The following PCDHA9 variants were observed in gnomAD, a reference collection of about 807,000 sequenced individuals.
The protein encoded by PCDHA9 is protocadherin alpha 9.
A neutral mutation model predicts 62.0 loss-of-function variants in PCDHA9; 62 were observed. The observed-to-expected ratio is 1.00, with a 90% CI of 0.81 to 1.23. The LOEUF (loss-of-function observed/expected upper bound fraction) is 1.23, where lower values mean the gene tolerates loss of function less well. Among genes scored for constraint, PCDHA9 ranks in the 50% most tolerant of loss-of-function variants. The pLI is 0.00. For synonymous variants in PCDHA9, 557 were observed against 567.6 expected, an observed-to-expected ratio of 0.98 and a Z score of 0.27; for missense variants, 1,205 against 1,249.8, an observed-to-expected ratio of 0.96 and a Z score of 0.54.
intron 1 of PCDHA9, chr5:140,968,986 A>C (rs143656335): frequency 6.8e-6 from 11 of 1,614,206 alleles, no homozygotes; most frequent in East Asian, 6.7e-5. Context: ...ATGGCACTGC[A>C]TGCTGTGGAG....
At chr5:140,879,512 G>C (rs1378276808) in intron 1 of PCDHA9, among the ~76,000 whole-genome samples, 1 of 152,156 alleles carries the variant, frequency 6.6e-6, no homozygotes, top group Non-Finnish European at 1.5e-5. Flanking sequence ...AGAGATTATT[G>C]ATATAGATTT....
At chr5:140,947,524 A>G (rs894259499) in intron 1 of PCDHA9, among the ~76,000 whole-genome samples, 1 of 151,796 alleles carries the variant, frequency 6.6e-6, no homozygotes, top group Admixed American at 6.6e-5. Flanking sequence ...TTTAGAATCA[A>G]CTTTTCAATT....
intron 1 of PCDHA9, among the ~76,000 whole-genome samples, chr5:140,950,042 T>C (rs2153688283): frequency 6.6e-6 from 1 of 152,082 alleles, no homozygotes; most frequent in South Asian, 2.1e-4. Flanking sequence ...GTTACAACCA[T>C]ATAAGACTAT....
chr5:140,856,200 T>G (rs1463727286), intron 1 of PCDHA9: 1 of 1,597,908 alleles, frequency 6.3e-7, no homozygotes, highest in African/African-American at 1.3e-5. Flanking sequence ...GCGCAGGACC[T>G]GGGGCTGGAG....
intron 1 of PCDHA9, among the ~76,000 whole-genome samples, chr5:140,964,650 TG>T (rs1554227136): frequency 6.6e-6 from 1 of 151,800 alleles, no homozygotes; most frequent in Non-Finnish European, 1.5e-5. Flanking sequence ...AAACAAGTAA[TG>T]GGTGAGGACA....
rs147440301 is a variant in PCDHA9, at chr5:140,924,523, G to A, written c.2395-54426G>A. On this transcript the variant is annotated intron_variant, in intron 1 of 3. Transcript: ENST00000532602. ...AATCCCACTCTTAGTGTTAAAAAGA[G>A]AATGCCCGAGCTACCCCTCTCCCCA... is the stretch of plus-strand genomic sequence containing the variant. Among the ~76,000 whole-genome samples, 1,224 of 152,202 alleles carry A rather than the reference G, an allele frequency of 8.0e-3. 6 individuals carry two copies. The highest frequency in any genetic ancestry group is 0.019 in the African/African-American group (791 of 41,530).
At chr5:140,903,917 T>C (rs2070714744) in intron 1 of PCDHA9, among the ~76,000 whole-genome samples, 1 of 152,258 alleles carries the variant, frequency 6.6e-6, no homozygotes, top group Non-Finnish European at 1.5e-5. Flanking sequence ...GTGACTTCCT[T>C]GCTGCATTGG....
intron 1 of PCDHA9, chr5:140,884,609 G>T: frequency 6.2e-7 from 1 of 1,614,138 alleles, no homozygotes; most frequent in Non-Finnish European, 8.5e-7. Context: ...TCCTTGTCTG[G>T]GTTCTGCAGA....
At chr5:140,969,514 G>T (rs2096339995) in intron 1 of PCDHA9, 3 of 1,414,044 alleles carry the variant, frequency 2.1e-6, no homozygotes, top group Admixed American at 2.8e-5. Flanking sequence ...TAGCACTAAA[G>T]AATTGTTTTA....
At chr5:140,919,012 C>T (rs1411489160) in intron 1 of PCDHA9, among the ~76,000 whole-genome samples, 1 of 152,164 alleles carries the variant, frequency 6.6e-6, no homozygotes, top group Non-Finnish European at 1.5e-5. Flanking sequence ...CTTTCATTTC[C>T]TAGTGATCTT....
intron 1 of PCDHA9, chr5:140,884,644 C>T (rs1554181804): frequency 6.2e-7 from 1 of 1,608,094 alleles, no homozygotes; most frequent in South Asian, 1.1e-5. Flanking sequence ...GGGAGGAGGA[C>T]TCAGAATGCT....
chr5:140,899,833 G>T (rs2067579431), intron 1 of PCDHA9, among the ~76,000 whole-genome samples: 1 of 152,094 alleles, frequency 6.6e-6, no homozygotes, highest in African/African-American at 2.4e-5. Flanking sequence ...TTTTGAGACA[G>T]GTCTTGCTGT....
rs1322777523 is a variant in PCDHA9 at position 140,961,683 on chromosome 5, A to G, written c.2395-17266A>G. Among the ~76,000 whole-genome samples, 6 of 152,224 alleles carry G rather than the reference A, an allele frequency of 3.9e-5. No homozygotes were observed. The East Asian group carries it at 1.2e-3, about 29-fold the overall frequency. ...AGTTACCAGTTTTTAATTAAGCCGGAGTAGTCCTTAGTATGAATGCCTTCA... is the reference window on the plus strand; with the variant it reads ...AGTTACCAGTTTTTAATTAAGCCGGGGTAGTCCTTAGTATGAATGCCTTCA... On this transcript the variant is annotated intron_variant, in intron 1 of 3. Transcript: ENST00000532602.
At position 140,992,017 on chromosome 5, in the gene PCDHA9, CTGTGTGTG is replaced by C. The variant is rs10602499; in HGVS notation, c.2542+9484_2542+9491del. On this transcript the variant is annotated intron_variant, in intron 3 of 3. Coordinates refer to ENST00000532602, the MANE Select transcript of PCDHA9 (RefSeq NM_031857.2). ...CTTTCATGTTCAGGCAGAGGTGGCT[CTGTGTGTG>C]TGTGTGTGTGTGTGTGTGTGTGTGT... Among the ~76,000 whole-genome samples the C allele has an allele frequency of 9.8e-4, 142 of 145,616 alleles. No homozygotes were observed. The East Asian group carries it at 1.0e-2, about 10-fold the overall frequency.
chr5:140,958,677 G>C (rs917513084), intron 1 of PCDHA9, among the ~76,000 whole-genome samples: 3 of 152,090 alleles, frequency 2.0e-5, no homozygotes, highest in Non-Finnish European at 2.9e-5. Context: ...TAATTATAAA[G>C]GATATTGAAT....
chr5:140,910,580 C>T (rs1384259049), intron 1 of PCDHA9, among the ~76,000 whole-genome samples: 1 of 152,162 alleles, frequency 6.6e-6, no homozygotes, highest in Non-Finnish European at 1.5e-5. Flanking sequence ...CTGGATCCTC[C>T]CAGCTGGGAT....
Position 140,876,997 on chromosome 5 carries a change from T to G in PCDHA9, c.2394+26108T>G, listed in dbSNP as rs1024280391. 6.8e-6 allele frequency: 11 copies of G among 1,612,358 alleles called. No homozygotes were observed. The African/African-American group carries it at 1.1e-4, about 16-fold the overall frequency. On this transcript the variant is annotated intron_variant, in intron 1 of 3. Transcript: ENST00000532602. ...CGAGCACGCACTGTCGAGCTACGTG[T>G]CGGTGCACGCGGAGAGCGGCAAGGT...
Position 141,010,515 on chromosome 5 carries a change from CAA to C in PCDHA9, c.*579_*580del, listed in dbSNP as rs1554262971. ...ACCAGACTTTCTAAATCTTACAACTCAAGAGGTGGCAGCCACCCTCTAGGAGA... is the reference window on the plus strand; with the variant it reads ...ACCAGACTTTCTAAATCTTACAACTCGAGGTGGCAGCCACCCTCTAGGAGA... On this transcript the variant is annotated 3_prime_UTR_variant, in exon 4 of 4. Transcript: ENST00000532602. 4.1e-6 allele frequency: 2 copies of C among 483,800 alleles called. No individual in the cohort carries two copies. Among genetic ancestry groups the C allele is most frequent in the African/African-American group, 2.0e-5 (1 of 51,026 alleles). 30.0% of individuals were successfully genotyped at this position (483,800 alleles called of 1,614,324 possible).
chr5:140,884,312 G>T, intron 1 of PCDHA9: 1 of 1,613,768 alleles, frequency 6.2e-7, no homozygotes, highest in Non-Finnish European at 8.5e-7. Flanking sequence ...TTCGTCGAGG[G>T]CGTCGGCAGG....
Sources: gnomAD v4.1 joint callset for allele counts (sites outside exome capture counted in the v4.1 genomes callset) on GRCh38, gnomAD v4.1.1 for gene constraint, MANE v1.5 for transcripts, NCBI Gene and HGNC (gene_info 2026-07-23, HGNC 2026-07-21) for gene names.